The following SOX30 variants were observed in gnomAD, a reference collection of about 807,000 sequenced individuals.
SOX30 encodes transcription factor SOX-30.
Under a neutral mutation model 58.6 loss-of-function variants are expected in SOX30, and 17 were observed. The ratio of observed to expected loss-of-function variants is 0.29; its 90% CI spans 0.20 to 0.44. The LOEUF (loss-of-function observed/expected upper bound fraction) is 0.44. Ranked by LOEUF, SOX30 falls within the 20% of genes least tolerant of loss-of-function variation. The pLI is 1.00. For synonymous variants in SOX30, 421 were observed against 400.2 expected (o/e 1.05, Z -0.62); for missense variants, 951 against 965.8 (o/e 0.98, Z 0.20).
intron 1 of SOX30, among the ~76,000 whole-genome samples, chr5:157,669,708 G>A (rs1420518346): frequency 1.3e-5 from 2 of 151,638 alleles, no homozygotes; most frequent in Admixed American, 6.6e-5. Flanking sequence ...GTATAAACGG[G>A]GTTTCATTAT....
intron 3 of SOX30, among the ~76,000 whole-genome samples, chr5:157,641,371 G>C (rs1759056900): frequency 6.6e-6 from 1 of 152,178 alleles, no homozygotes; most frequent in Admixed American, 6.5e-5. Context: ...CCAGCACTTT[G>C]GGAGGCCGAG....
intron 4 of SOX30, among the ~76,000 whole-genome samples, chr5:157,627,942 C>T (rs541675637): frequency 6.6e-6 from 1 of 151,222 alleles, no homozygotes; most frequent in South Asian, 2.1e-4. Context: ...TGCAGTGAGC[C>T]GCGATCACGC....
chr5:157,653,801 T>A (rs751646201), upstream of SOX30, among the ~76,000 whole-genome samples: 1 of 152,202 alleles, frequency 6.6e-6, no homozygotes, highest in African/African-American at 2.4e-5. Context: ...GGAGTTCTTA[T>A]ACCTGGCAGA....
intron 1 of SOX30, chr5:157,667,991 G>C: frequency 1.1e-6 from 1 of 920,660 alleles, no homozygotes; most frequent in Non-Finnish European, 1.6e-6. Flanking sequence ...CCAAGGCACA[G>C]AGAGGTGGAG....
At position 157,646,767 on chromosome 5, in the gene SOX30, A is replaced by T. The variant is rs746101906; in HGVS notation, c.1257T>A (p.Ser419Arg). The T allele has an allele frequency of 1.3e-5, 21 of 1,613,926 alleles. No individual in the cohort carries two copies. In the East Asian group the frequency reaches 4.5e-4, roughly 34 times the overall value. ...TGGTACCAGAAAATACATTGGAAACACTTAGAGGGAATCGTTTTCGCTTCC... is the reference window on the plus strand; with the variant it reads ...TGGTACCAGAAAATACATTGGAAACTCTTAGAGGGAATCGTTTTCGCTTCC... ...RPGKRKRFPL[S>R]VSNVFSGTTQ... Residue 419 changes from serine (S) to arginine (R), a missense_variant, in exon 3 of 5, where the codon AGT becomes AGA. Around this residue, in one of 7 missense-constraint regions of SOX30, gnomAD observed 57 missense variants for 104.0 expected, o/e 0.55. Transcript: ENST00000265007.
upstream of SOX30, among the ~76,000 whole-genome samples, chr5:157,652,661 G>C (rs1019973675): frequency 1.3e-5 from 2 of 152,302 alleles, no homozygotes; most frequent in Non-Finnish European, 2.9e-5. Flanking sequence ...GAGGATCTTC[G>C]ACTTTGTGTG....
intron 2 of SOX30, among the ~76,000 whole-genome samples, chr5:157,666,488 C>T (rs904091549): frequency 8.4e-6 from 1 of 119,118 alleles, no homozygotes; most frequent in East Asian, 2.1e-4. Flanking sequence ...GACACACACA[C>T]ACACACACAC....
At chr5:157,666,478 GAC>G (rs375835461) in intron 2 of SOX30, among the ~76,000 whole-genome samples, 25,691 of 132,044 alleles carry the variant, frequency 0.19, 2,604 homozygotes, top group Non-Finnish European at 0.25. Context: ...TAGTCCAGTA[GAC>G]ACACACACAC....
chr5:157,656,258 A>G (rs1759471373), upstream of SOX30, among the ~76,000 whole-genome samples: 1 of 152,262 alleles, frequency 6.6e-6, no homozygotes, highest in African/African-American at 2.4e-5. Flanking sequence ...AATTAAACAT[A>G]TAATGCCTTT....
chr5:157,645,124 T>C (rs978955768), intron 3 of SOX30, among the ~76,000 whole-genome samples: 1 of 152,176 alleles, frequency 6.6e-6, no homozygotes, highest in Non-Finnish European at 1.5e-5. Context: ...AGAACAGGGC[T>C]ATAGGATCAG....
At chr5:157,632,177 C>T (rs1460716399) in intron 4 of SOX30, among the ~76,000 whole-genome samples, 1 of 150,480 alleles carries the variant, frequency 6.6e-6, no homozygotes, top group African/African-American at 2.5e-5. Flanking sequence ...GTTTTCCAAT[C>T]TAGTTGGTGG....
upstream of SOX30, among the ~76,000 whole-genome samples, chr5:157,655,178 T>C (rs1325582510): frequency 6.6e-6 from 1 of 152,086 alleles, no homozygotes; most frequent in Admixed American, 6.5e-5. Flanking sequence ...AACTATGGAA[T>C]GGACTGCAGT....
At chr5:157,666,613 C>G (rs960520809) in intron 2 of SOX30, among the ~76,000 whole-genome samples, 5 of 151,954 alleles carry the variant, frequency 3.3e-5, no homozygotes, top group African/African-American at 1.2e-4. Flanking sequence ...CACTCATGTG[C>G]CAGGTATAAG....
chr5:157,655,607 C>T (rs553064301), upstream of SOX30, among the ~76,000 whole-genome samples: 4 of 152,264 alleles, frequency 2.6e-5, no homozygotes, highest in South Asian at 4.2e-4. Flanking sequence ...ACTTGAGAGT[C>T]GATGGGACTG....
chr5:157,671,181 G>C (rs915800753), intron 1 of SOX30: 1 of 163,766 alleles, frequency 6.1e-6, no homozygotes, highest in Non-Finnish European at 1.3e-5. Flanking sequence ...TTGTCTCGTC[G>C]CAGAAAGGAA....
chr5:157,634,179 A>C (rs954809150), intron 4 of SOX30, among the ~76,000 whole-genome samples: 1 of 152,220 alleles, frequency 6.6e-6, no homozygotes. Flanking sequence ...TTTACTCTAC[A>C]TACACAGGGC....
intron 4 of SOX30, among the ~76,000 whole-genome samples, chr5:157,636,817 A>G (rs754376336): frequency 4.6e-5 from 7 of 152,152 alleles, no homozygotes; most frequent in Non-Finnish European, 8.8e-5. Context: ...TTGTCTACAC[A>G]TTTAACAGTA....
intron 2 of SOX30, among the ~76,000 whole-genome samples, chr5:157,666,477 A>G (rs1759673307): frequency 1.0e-5 from 1 of 96,590 alleles, no homozygotes; most frequent in African/African-American, 4.2e-5. Flanking sequence ...TTAGTCCAGT[A>G]GACACACACA....
At chr5:157,628,795 C>A (rs1758722390) in intron 4 of SOX30, among the ~76,000 whole-genome samples, 1 of 152,060 alleles carries the variant, frequency 6.6e-6, no homozygotes. Context: ...GTGCCCGCCA[C>A]CATGTCCGGC....
Sources: allele counts gnomAD v4.1 joint callset (sites outside exome capture counted in the v4.1 genomes callset), GRCh38; gene constraint gnomAD v4.1.1; regional missense constraint gnomAD v4.1.1; transcripts MANE v1.5; gene names NCBI Gene and HGNC (gene_info 2026-07-23, HGNC 2026-07-21).